Variants in PDE12 observed in about 807,000 individuals in gnomAD.
The protein encoded by PDE12 is 2',5'-phosphodiesterase 12.
Under a neutral mutation model 45.4 loss-of-function variants are expected in PDE12, and 26 were observed. The observed-to-expected ratio is 0.57, with a 90% CI of 0.42 to 0.79. The LOEUF is 0.79. Ranked by LOEUF, PDE12 falls within the 30% of genes least tolerant of loss-of-function variation. The probability of loss-of-function intolerance (pLI) is 0.00; values close to 1 mark genes in which losing one functional copy is unlikely to be tolerated. For synonymous variants in PDE12, 283 were observed against 323.9 expected (o/e 0.87, Z 1.36); for missense variants, 668 against 790.0 (o/e 0.85, Z 1.85).
At chr3:57,572,051 A>G in the PDE12 span, 2 of 580,712 alleles carry the variant, frequency 3.4e-6, no homozygotes, top group Non-Finnish European at 6.1e-6. Context: ...CTAAATAGCA[A>G]CATTATACTC....
chr3:57,599,871 T>A, the PDE12 span, among the ~76,000 whole-genome samples: 20 of 150,234 alleles, frequency 1.3e-4, no homozygotes, highest in South Asian at 4.2e-4. Flanking sequence ...TTTTTTTTTT[T>A]AATAAATAAG....
chr3:57,586,557 T>C, the PDE12 span, among the ~76,000 whole-genome samples: 1 of 152,198 alleles, frequency 6.6e-6, no homozygotes, highest in Non-Finnish European at 1.5e-5. Context: ...TGTAAAACCC[T>C]GTTCCCCACT....
chr3:57,623,098 A>G, the PDE12 span, among the ~76,000 whole-genome samples: 84 of 152,310 alleles, frequency 5.5e-4, no homozygotes, highest in African/African-American at 1.9e-3. Flanking sequence ...TTGTACCTCA[A>G]TAAAGCTGTT....
chr3:57,641,550 G>A, the PDE12 span: 2 of 971,762 alleles, frequency 2.1e-6, no homozygotes, highest in South Asian at 4.3e-5. Flanking sequence ...CAAAGGCCTT[G>A]AAGAAAGCTG....
the PDE12 span, among the ~76,000 whole-genome samples, chr3:57,640,194 G>A: frequency 5.8e-4 from 88 of 151,258 alleles, no homozygotes; most frequent in East Asian, 1.8e-3. Flanking sequence ...TCCTGAACCC[G>A]TGAAGCAGAG....
At chr3:57,633,291 G>A in the PDE12 span, 2 of 1,613,704 alleles carry the variant, frequency 1.2e-6, no homozygotes, top group East Asian at 4.5e-5. Context: ...CTTTGTGTCA[G>A]TTCCAAAAAA....
the PDE12 span, chr3:57,584,178 G>C: frequency 1.4e-6 from 1 of 695,884 alleles, no homozygotes; most frequent in Middle Eastern, 4.1e-4. Flanking sequence ...ATGCAGGCTG[G>C]TCTTGAACTC....
the PDE12 span, among the ~76,000 whole-genome samples, chr3:57,655,354 A>G: frequency 1.3e-5 from 2 of 152,204 alleles, no homozygotes; most frequent in Non-Finnish European, 2.9e-5. Context: ...TTTAAAAACA[A>G]CAAACTTACT....
the PDE12 span, among the ~76,000 whole-genome samples, chr3:57,644,259 T>C: frequency 1.3e-5 from 2 of 151,942 alleles, no homozygotes; most frequent in Non-Finnish European, 1.5e-5. Flanking sequence ...CAAAGAAGAT[T>C]GGGATGCACC....
At chr3:57,569,376 C>T (rs866719967), downstream of PDE12, among the ~76,000 whole-genome samples, 1 of 151,998 alleles carries the variant, frequency 6.6e-6, no homozygotes, top group Non-Finnish European at 1.5e-5. Context: ...TATTTTGAGA[C>T]GGAGTTTCAC....
At chr3:57,611,212 C>T in the PDE12 span, among the ~76,000 whole-genome samples, 17 of 152,156 alleles carry the variant, frequency 1.1e-4, no homozygotes, top group African/African-American at 2.7e-4. Flanking sequence ...CCCTTCCTTA[C>T]ACCTTATACA....
At chr3:57,643,589 A>G in the PDE12 span, among the ~76,000 whole-genome samples, 1 of 151,802 alleles carries the variant, frequency 6.6e-6, no homozygotes, top group Non-Finnish European at 1.5e-5. Flanking sequence ...GCACTTTGGG[A>G]GGCTGAGGCG....
chr3:57,581,129 A>G, the PDE12 span, among the ~76,000 whole-genome samples: 15 of 152,244 alleles, frequency 9.9e-5, no homozygotes, highest in African/African-American at 3.4e-4. Context: ...TTGGAATTAT[A>G]AGAGGAATTT....
chr3:57,562,656 A>G lies in PDE12; in HGVS notation c.*2652A>G, dbSNP rs1269884971. 6.6e-6 allele frequency: 1 copy of G among 152,230 alleles called. No homozygotes were observed. The highest frequency in any genetic ancestry group is 1.9e-4 in the East Asian group (1 of 5,200). The allele number at this position is 152,230 out of a possible 1,614,324, so 9.4% of individuals were successfully genotyped here. ...TTTTATAATGTCACAAGTTCTTGCT[A>G]TAGGAATTAACATTCTAGAATTTTA... On this transcript the variant is annotated 3_prime_UTR_variant, in exon 3 of 3. Coordinates refer to ENST00000311180, the MANE Select transcript of PDE12 (RefSeq NM_177966.7).
chr3:57,623,828 G>A, the PDE12 span, among the ~76,000 whole-genome samples: 1 of 152,100 alleles, frequency 6.6e-6, no homozygotes, highest in Non-Finnish European at 1.5e-5. Context: ...AAAACATGTA[G>A]GATCCATGAA....
chr3:57,634,454 A>C, the PDE12 span: 28 of 488,594 alleles, frequency 5.7e-5, no homozygotes, highest in Non-Finnish European at 7.0e-5. Flanking sequence ...AAAAAAAAGG[A>C]GAGATCCTAT....
rs1211427932 is a variant in PDE12 at position 57,557,628 on chromosome 3, A to G, written c.1249A>G (p.Lys417Glu). 1.2e-6 allele frequency: 2 copies of G among 1,613,970 alleles called. No individual in the cohort carries two copies. Among genetic ancestry groups the G allele is most frequent in the African/African-American group, 2.7e-5 (2 of 74,902 alleles). ...SDPLHKELLEKLVLYPSAQEK... is the reference protein window; with the variant it reads ...SDPLHKELLEELVLYPSAQEK... ...CCCACTTCACAAAGAACTGCTGGAGAAACTAGTTTTGTACCCATCAGCGCA... is the reference window on the plus strand; with the variant it reads ...CCCACTTCACAAAGAACTGCTGGAGGAACTAGTTTTGTACCCATCAGCGCA... The change falls in exon 1 of 3, where the codon AAA becomes GAA. Residue 417 changes from lysine to glutamate, a missense_variant. This residue lies in a region of PDE12 where 580 missense variants were observed against 662.9 expected (regional missense o/e 0.87). Transcript: ENST00000311180.
Position 57,561,263 on chromosome 3 carries a change from A to C in PDE12, c.*1259A>C. 1 of 985,646 alleles carries C rather than the reference A, an allele frequency of 1.0e-6. No individual in the cohort carries two copies. Among genetic ancestry groups the C allele is most frequent in the Non-Finnish European group, 1.2e-6 (1 of 829,744 alleles). 61.1% of individuals were successfully genotyped at this position (985,646 alleles called of 1,614,324 possible). Reference sequence around the variant, plus strand: ...GATATGGGCTTGAAATTTTGGATGAATCATTGAGCATTTCTACACTAGAAG... The same window carrying C: ...GATATGGGCTTGAAATTTTGGATGACTCATTGAGCATTTCTACACTAGAAG... On this transcript the variant is annotated 3_prime_UTR_variant, in exon 3 of 3. Coordinates refer to ENST00000311180, the MANE Select transcript of PDE12 (RefSeq NM_177966.7).
At position 57,557,336 on chromosome 3, in the gene PDE12, A is replaced by G. The variant is rs906053841; in HGVS notation, c.957A>G (p.Pro319=). 1.2e-6 allele frequency: 2 copies of G among 1,613,792 alleles called. No individual in the cohort carries two copies. The highest frequency in any genetic ancestry group is 1.3e-5 in the African/African-American group (1 of 74,890). ...AGTTCTCGCGAACGGTTCTGTACCC[A>G]TACTGTGCCCCCTACGCCCTGGAGC... The part of the protein sequence containing the change: ...QTEFSRTVLY[P]YCAPYALELD... Residue 319 remains proline, a synonymous_variant, in exon 1 of 3, where the codon CCA becomes CCG. Coordinates refer to ENST00000311180, the MANE Select transcript of PDE12 (RefSeq NM_177966.7).
Sources: gnomAD v4.1 joint callset for allele counts (sites outside exome capture counted in the v4.1 genomes callset) on GRCh38, gnomAD v4.1.1 for gene constraint, gnomAD v4.1.1 regional missense constraint, MANE v1.5 for transcripts, NCBI Gene and HGNC (gene_info 2026-07-23, HGNC 2026-07-21) for gene names.